The following COL22A1 variants were observed in gnomAD, a reference collection of about 807,000 sequenced individuals.
COL22A1 encodes collagen alpha-1(XXII) chain.
Under a neutral mutation model 248.9 loss-of-function variants are expected in COL22A1, and 221 were observed. The ratio of observed to expected loss-of-function variants is 0.89; its 90% confidence interval spans 0.80 to 0.99. The LOEUF (loss-of-function observed/expected upper bound fraction) is 0.99. COL22A1 is among the 50% of genes least tolerant of loss of function. COL22A1 has a pLI of 0.00. For synonymous variants in COL22A1, 891 were observed against 793.4 expected (o/e 1.12, Z -2.07); for missense variants, 2,240 against 2,179.0 (o/e 1.03, Z -0.56).
chr8:138,909,852 A>G (rs1225002762), intron 1 of COL22A1, among the ~76,000 whole-genome samples: 1 of 152,198 alleles, frequency 6.6e-6, no homozygotes, highest in Non-Finnish European at 1.5e-5. Flanking sequence ...TCAGCCTCTC[A>G]TGAGTGCTTC....
chr8:138,909,604 C>G (rs905842618), intron 1 of COL22A1, among the ~76,000 whole-genome samples: 3 of 151,982 alleles, frequency 2.0e-5, no homozygotes, highest in Non-Finnish European at 4.4e-5. Context: ...TTTAAGATAC[C>G]CATCAGAACA....
At position 138,775,841 on chromosome 8, in the gene COL22A1, T is replaced by C; in HGVS notation, c.1803+125A>G. On this transcript the variant is annotated intron_variant, in intron 16 of 64. Coordinates refer to ENST00000303045, the MANE Select transcript of COL22A1 (RefSeq NM_152888.3). ...ACATGCAAATATACATGTACACACA[T>C]GTGCACACATGCACACACAAATGTG... 5 of 935,930 alleles carry C rather than the reference T, an allele frequency of 5.3e-6. No individual in the cohort carries two copies. In the South Asian group the frequency reaches 6.7e-5, roughly 13 times the overall value. The allele number at this position is 935,930 out of a possible 1,614,324, so 58.0% of individuals were successfully genotyped here.
intron 22 of COL22A1, among the ~76,000 whole-genome samples, chr8:138,744,380 G>A (rs1831938819): frequency 6.6e-6 from 1 of 152,056 alleles, no homozygotes; most frequent in Admixed American, 6.6e-5. Context: ...GACAGGCATG[G>A]TCAGGTATTG....
chr8:138,737,594 A>C lies in COL22A1; in HGVS notation c.2086-17T>G, dbSNP rs200847724. ...TTTCTTCCCCTGAGTGTAAAAGAAG[A>C]AGCTAAAATTAACAAGCAGGCAATT... On this transcript the variant is annotated splice_polypyrimidine_tract_variant and intron_variant, in intron 22 of 64. Transcript: ENST00000303045. 788 of 1,590,560 alleles carry C rather than the reference A, an allele frequency of 5.0e-4. 2 individuals are homozygous for C. The highest frequency in any genetic ancestry group is 6.4e-4 in the Non-Finnish European group (738 of 1,159,274).
rs758869409 is a variant in COL22A1 at position 138,589,347 on chromosome 8, G to A, written c.4787C>T (p.Pro1596Leu). 1.2e-6 allele frequency: 2 copies of A among 1,611,744 alleles called. No individual in the cohort carries two copies. The highest frequency in any genetic ancestry group is 4.5e-5 in the East Asian group (2 of 44,568). Reference protein sequence around the residue: ...ETGPAGHPGLPGPPGPPGQCD... With the variant: ...ETGPAGHPGLLGPPGPPGQCD... Reference sequence around the variant, plus strand: ...TTGGCCTGGGGGACCGGGAGGTCCTGGGAGGCCAGGATGTCCAGCTGGTCC... The same window carrying A: ...TTGGCCTGGGGGACCGGGAGGTCCTAGGAGGCCAGGATGTCCAGCTGGTCC... The change falls in exon 65 of 65, where the codon CCA becomes CTA. Residue 1596 changes from proline to leucine, a missense_variant. Transcript: ENST00000303045.
chr8:138,663,820 A>T, intron 41 of COL22A1, 80 bp from the exon 42 acceptor site: 1 of 1,116,634 alleles, frequency 9.0e-7, no homozygotes, highest in South Asian at 1.2e-5. Flanking sequence ...TATTCCATAG[A>T]CAGGTCCTCA....
intron 50 of COL22A1, among the ~76,000 whole-genome samples, chr8:138,630,339 G>A (rs142983970): frequency 3.0e-4 from 45 of 152,262 alleles, no homozygotes; most frequent in Non-Finnish European, 5.6e-4. Context: ...AGGTGAGTTA[G>A]CACTGAGCCT....
At chr8:138,906,332 T>C (rs1162301086) in intron 1 of COL22A1, among the ~76,000 whole-genome samples, 5 of 149,400 alleles carry the variant, frequency 3.3e-5, no homozygotes, top group Non-Finnish European at 7.4e-5. Flanking sequence ...GTGGTGCCAC[T>C]GCACTCCAGC....
intron 52 of COL22A1, among the ~76,000 whole-genome samples, chr8:138,623,237 CATATAT>C (rs5895541): frequency 2.7e-4 from 38 of 141,420 alleles, no homozygotes; most frequent in Non-Finnish European, 2.7e-4. Flanking sequence ...TGTGTGTGTA[CATATAT>C]ATATATATAT....
At chr8:138,821,578 C>T (rs1443870918) in intron 6 of COL22A1, among the ~76,000 whole-genome samples, 167 bp from the exon 7 acceptor site, 4 of 152,178 alleles carry the variant, frequency 2.6e-5, no homozygotes, top group Non-Finnish European at 5.9e-5. Context: ...TTCCGTCACA[C>T]CTCTGAGAGC....
At chr8:138,604,431 C>A (rs967332729) in intron 59 of COL22A1, among the ~76,000 whole-genome samples, 1 of 152,176 alleles carries the variant, frequency 6.6e-6, no homozygotes, top group African/African-American at 2.4e-5. Flanking sequence ...GAGAACTGGA[C>A]AAAACCTACA....
In COL22A1 at chr8:138,589,278, C is replaced by T. The variant is rs765975398; in HGVS notation, c.4856G>A (p.Arg1619Gln). ...QCAYFASLAA[R>Q]PGNVKGP is the part of the protein sequence containing the mutation. ...TTAGGGACCCTTCACATTACCCGGCCGGGCAGCAAGGCTGGCGAAGTAGGC... is the reference window on the plus strand; with the variant it reads ...TTAGGGACCCTTCACATTACCCGGCTGGGCAGCAAGGCTGGCGAAGTAGGC... Residue 1619 changes from arginine to glutamine, a missense_variant, in exon 65 of 65, where the codon CGG (arginine) becomes CAG (glutamine). Coordinates refer to ENST00000303045, the MANE Select transcript of COL22A1 (RefSeq NM_152888.3). 22 of 1,613,736 alleles carry T rather than the reference C, an allele frequency of 1.4e-5. No individual in the cohort carries two copies. The highest frequency in any genetic ancestry group is 5.5e-5 in the South Asian group (5 of 91,062).
chr8:138,812,151 A>G (rs1818292472), intron 8 of COL22A1, among the ~76,000 whole-genome samples: 1 of 152,186 alleles, frequency 6.6e-6, no homozygotes, highest in Admixed American at 6.5e-5. Context: ...ACACCTCGCA[A>G]GTGCTCAACA....
At position 138,878,167 on chromosome 8, in the gene COL22A1, G is replaced by C; in HGVS notation, c.241C>G (p.Arg81Gly). 3.7e-6 allele frequency: 6 copies of C among 1,604,760 alleles called. No homozygotes were observed. Among genetic ancestry groups the C allele is most frequent in the Non-Finnish European group, 4.3e-6 (5 of 1,176,438 alleles). ...GPDRTRVGVVRYSDRPTTAFE... is the reference protein window; with the variant it reads ...GPDRTRVGVVGYSDRPTTAFE... ...GCCGTGGTGGGCCGGTCGCTGTAGC[G>C]CACGACCCCCACACGGGTGCGGTCG... Residue 81 changes from arginine (R) to glycine (G), a missense_variant, in exon 3 of 65, where the codon CGC becomes GGC. Transcript: ENST00000303045.
At position 138,613,008 on chromosome 8, in the gene COL22A1, G is replaced by A. The variant is rs180915727; in HGVS notation, c.3978+859C>T. 5.8e-3 allele frequency among the ~76,000 whole-genome samples: 882 copies of A among 151,044 alleles called. 8 individuals are homozygous for A. Among genetic ancestry groups the A allele is most frequent in the African/African-American group, 0.019 (790 of 41,230 alleles). The stretch of plus-strand genomic sequence containing the variant: ...TTACGCCTGTAATCCCAATACTTTG[G>A]GAGGGCGAGGCGGGCAGATTATGAG... On this transcript the variant is annotated intron_variant, in intron 56 of 64. Transcript: ENST00000303045.
chr8:138,604,595 G>A (rs1046345786), intron 59 of COL22A1, 139 bp downstream of exon 59: 1 of 732,748 alleles, frequency 1.4e-6, no homozygotes, highest in Non-Finnish European at 2.4e-6. Context: ...TGTTCAAAAG[G>A]CATTAAGAAT....
intron 3 of COL22A1, among the ~76,000 whole-genome samples, chr8:138,851,697 C>G (rs1416482143): frequency 2.0e-5 from 3 of 152,158 alleles, no homozygotes; most frequent in African/African-American, 7.2e-5. Context: ...CAGCAGAGCC[C>G]TTGCAGCCTT....
At chr8:138,904,451 G>T (rs757837554) in intron 1 of COL22A1, among the ~76,000 whole-genome samples, 7 of 152,096 alleles carry the variant, frequency 4.6e-5, no homozygotes, top group Non-Finnish European at 8.8e-5. Context: ...CAAGAGGACA[G>T]GACAGCCCTT....
intron 1 of COL22A1, among the ~76,000 whole-genome samples, chr8:138,888,524 A>G (rs1201018596): frequency 6.6e-6 from 1 of 152,170 alleles, no homozygotes; most frequent in African/African-American, 2.4e-5. Flanking sequence ...CTCTCAGGAG[A>G]GGTATAATCT....
Sources: gnomAD v4.1 joint callset for allele counts (sites outside exome capture counted in the v4.1 genomes callset) on GRCh38, gnomAD v4.1.1 for gene constraint, MANE v1.5 for transcripts, NCBI Gene and HGNC (gene_info 2026-07-23, HGNC 2026-07-21) for gene names.